RAB38: variants seen among roughly 807,000 people sequenced by gnomAD.
RAB38 encodes RAB38, member RAS oncogene family.
Under a neutral mutation model 18.4 loss-of-function variants are expected in RAB38, and 15 were observed. That is an observed-to-expected ratio of 0.82 (90% CI 0.55 to 1.26). The LOEUF is 1.26. Ranked by LOEUF, RAB38 falls within the 50% of genes most tolerant of loss-of-function variation. The probability of loss-of-function intolerance (pLI) is 0.00; values close to 1 mark genes in which losing one functional copy is unlikely to be tolerated. For missense variants in RAB38, 294 were observed against 267.4 expected (o/e 1.10, Z -0.69); for synonymous variants, 101 against 104.4 (o/e 0.97, Z 0.20).
intron 2 of RAB38, among the ~76,000 whole-genome samples, chr11:88,139,833 G>C (rs1591165549): frequency 1.3e-5 from 2 of 152,272 alleles, no homozygotes; most frequent in South Asian, 4.1e-4. Context: ...TGCTAGACTG[G>C]ATCTGAAGTC....
the RAB38 span, among the ~76,000 whole-genome samples, chr11:87,887,517 T>G: frequency 6.6e-6 from 1 of 151,982 alleles, no homozygotes; most frequent in Admixed American, 6.6e-5. Context: ...GTTAAAACCC[T>G]CTCTTTCTAG....
chr11:87,805,422 G>A, the RAB38 span, among the ~76,000 whole-genome samples: 1 of 151,422 alleles, frequency 6.6e-6, no homozygotes, highest in Admixed American at 6.6e-5. Context: ...ATGGCTAAAT[G>A]CTCAGGCATC....
chr11:88,132,768 T>C (rs1036406355), intron 2 of RAB38, among the ~76,000 whole-genome samples: 1 of 152,172 alleles, frequency 6.6e-6, no homozygotes, highest in African/African-American at 2.4e-5. Flanking sequence ...CTAGATGTTT[T>C]ACTTTTAAGG....
the RAB38 span, among the ~76,000 whole-genome samples, chr11:87,860,027 T>A: frequency 6.6e-6 from 1 of 152,024 alleles, no homozygotes; most frequent in Non-Finnish European, 1.5e-5. Context: ...CTAAAGCTCA[T>A]GCTCCTCCCT....
At chr11:88,138,608 T>C (rs10128567) in intron 2 of RAB38, among the ~76,000 whole-genome samples, 17,682 of 152,132 alleles carry the variant, frequency 0.12, 1,393 homozygotes, top group African/African-American at 0.22. Flanking sequence ...AACCATAGGA[T>C]AATGGGTAAA....
In RAB38 at chr11:88,149,814, G is replaced by A; in HGVS notation, c.344C>T (p.Pro115Leu). 6.2e-7 allele frequency: 1 copy of A among 1,614,022 alleles called. No individual in the cohort carries two copies. The highest frequency in any genetic ancestry group is 8.5e-7 in the Non-Finnish European group (1 of 1,180,002). The change falls in exon 2 of 3, where the codon CCT becomes CTT. Residue 115 changes from proline to leucine, a missense_variant. By Grantham distance (98) the Pro-to-Leu change is moderately conservative. Transcript: ENST00000243662. ...AACCACTGAAACCGGTTTGCCATTA[G>A]GGAGACTTAACTTGGAGTCCAAATC... ...KNDLDSKLSLPNGKPVSVVLL... is the reference protein window; with the variant it reads ...KNDLDSKLSLLNGKPVSVVLL...
chr11:87,975,185 T>A, the RAB38 span, among the ~76,000 whole-genome samples: 3 of 151,896 alleles, frequency 2.0e-5, no homozygotes, highest in African/African-American at 7.2e-5. Flanking sequence ...GATTTGGGGC[T>A]CATCTTAAAT....
the RAB38 span, among the ~76,000 whole-genome samples, chr11:88,059,563 A>G: frequency 1.3e-5 from 2 of 152,244 alleles, no homozygotes; most frequent in Non-Finnish European, 2.9e-5. Context: ...GCTTCTGCCC[A>G]GAGTGTTTCC....
chr11:87,884,570 A>G, the RAB38 span, among the ~76,000 whole-genome samples: 4 of 152,042 alleles, frequency 2.6e-5, no homozygotes, highest in East Asian at 7.8e-4. Context: ...AAGCAGGAAA[A>G]CACTGTGTTC....
chr11:88,033,757 T>A, the RAB38 span, among the ~76,000 whole-genome samples: 1 of 138,294 alleles, frequency 7.2e-6, no homozygotes, highest in Admixed American at 7.7e-5. Flanking sequence ...AGATGGAGTC[T>A]CGCTCTGTCG....
At chr11:88,135,454 T>C (rs779949159) in intron 2 of RAB38, among the ~76,000 whole-genome samples, 1 of 152,226 alleles carries the variant, frequency 6.6e-6, no homozygotes, top group Admixed American at 6.5e-5. Flanking sequence ...TAAAATAAAG[T>C]ACTTAGACCA....
At chr11:88,044,774 T>C in the RAB38 span, among the ~76,000 whole-genome samples, 2 of 152,054 alleles carry the variant, frequency 1.3e-5, no homozygotes, top group African/African-American at 4.8e-5. Context: ...TGGCTGAGTC[T>C]TTCTAATCTT....
chr11:88,053,683 G>T, the RAB38 span, among the ~76,000 whole-genome samples: 5 of 151,500 alleles, frequency 3.3e-5, no homozygotes, highest in East Asian at 9.7e-4. Context: ...ACAAAAAGCA[G>T]AAAATTTAAA....
the RAB38 span, among the ~76,000 whole-genome samples, chr11:87,893,390 A>ATATATATATATATT: frequency 3.2e-3 from 305 of 93,884 alleles, 2 homozygotes; most frequent in African/African-American, 7.1e-3. Context: ...ATATATATAT[A>ATATATATATATATT]TTTTTTTTTT....
chr11:87,923,613 G>A, the RAB38 span, among the ~76,000 whole-genome samples: 1 of 151,236 alleles, frequency 6.6e-6, no homozygotes, highest in Non-Finnish European at 1.5e-5. Context: ...ACAATCTAAT[G>A]CAGATACATT....
the RAB38 span, among the ~76,000 whole-genome samples, chr11:87,951,722 A>G: frequency 6.6e-6 from 1 of 152,008 alleles, no homozygotes. Flanking sequence ...GATATTGGTG[A>G]ACCGCAAATG....
At chr11:87,853,322 G>A in the RAB38 span, among the ~76,000 whole-genome samples, 1 of 152,136 alleles carries the variant, frequency 6.6e-6, no homozygotes. Context: ...AGTTCATGAG[G>A]GTGAGGCCTC....
intron 2 of RAB38, among the ~76,000 whole-genome samples, chr11:88,126,672 C>CACAT (rs1281154182): frequency 6.7e-6 from 1 of 148,216 alleles, no homozygotes; most frequent in Admixed American, 6.9e-5. Context: ...GCACATTGTG[C>CACAT]ACATGTACCC....
At chr11:88,052,935 T>TATATATATATATC in the RAB38 span, among the ~76,000 whole-genome samples, 25,697 of 85,532 alleles carry the variant, frequency 0.3, 5,691 homozygotes, top group Non-Finnish European at 0.39. Context: ...TATATATATA[T>TATATATATATATC]ATATATATAA....
Sources: gnomAD v4.1 joint callset for allele counts (sites outside exome capture counted in the v4.1 genomes callset) on GRCh38, gnomAD v4.1.1 for gene constraint, MANE v1.5 for transcripts, NCBI Gene and HGNC (gene_info 2026-07-23, HGNC 2026-07-21) for gene names.